Variants in MIS18A observed in about 807,000 individuals in gnomAD.
MIS18A encodes protein Mis18-alpha.
A neutral mutation model predicts 25.0 loss-of-function variants in MIS18A; 14 were observed. That is an observed-to-expected ratio of 0.56 (90% confidence interval 0.37 to 0.88). The LOEUF (loss-of-function observed/expected upper bound fraction) is 0.88. MIS18A is among the 40% of genes least tolerant of loss of function. The probability of loss-of-function intolerance (pLI) is 0.00; values close to 1 mark genes in which losing one functional copy is unlikely to be tolerated. For missense variants in MIS18A, 292 were observed against 290.8 expected (o/e 1.00, Z -0.03); for synonymous variants, 134 against 118.6 (o/e 1.13, Z -0.84).
At chr21:32,202,011 A>G in the MIS18A span, among the ~76,000 whole-genome samples, 3 of 152,198 alleles carry the variant, frequency 2.0e-5, no homozygotes, top group African/African-American at 7.2e-5. Flanking sequence ...CCCTGAGGCC[A>G]GGTGCAATGG....
chr21:32,227,358 A>G, the MIS18A span, among the ~76,000 whole-genome samples: 1 of 152,086 alleles, frequency 6.6e-6, no homozygotes, highest in Non-Finnish European at 1.5e-5. Context: ...AACTAAAATT[A>G]GAAATGATAT....
At chr21:32,250,989 C>T in the MIS18A span, among the ~76,000 whole-genome samples, 2 of 152,258 alleles carry the variant, frequency 1.3e-5, no homozygotes, top group African/African-American at 4.8e-5. Flanking sequence ...AGAGTGAGTT[C>T]TCATGAGATC....
chr21:32,158,624 A>G, the MIS18A span, among the ~76,000 whole-genome samples: 2 of 151,932 alleles, frequency 1.3e-5, no homozygotes, highest in Admixed American at 1.3e-4. Flanking sequence ...ACAGGCATGC[A>G]CCACCATGCC....
At chr21:32,267,395 A>C (rs1213155947), downstream of MIS18A, among the ~76,000 whole-genome samples, 1 of 152,166 alleles carries the variant, frequency 6.6e-6, no homozygotes, top group African/African-American at 2.4e-5. Context: ...AGGTAATCAA[A>C]GGCCCACTCT....
chr21:32,222,951 A>AAGAAAG, the MIS18A span, among the ~76,000 whole-genome samples: 10 of 144,724 alleles, frequency 6.9e-5, no homozygotes, highest in African/African-American at 2.6e-4. Flanking sequence ...AAAAAAAAAA[A>AAGAAAG]AAAGAAAGAA....
the MIS18A span, among the ~76,000 whole-genome samples, chr21:32,211,412 C>T: frequency 5.9e-5 from 9 of 152,334 alleles, no homozygotes; most frequent in African/African-American, 2.2e-4. Flanking sequence ...ATGCCTCTCT[C>T]TTCTTTCTCT....
intron 2 of MIS18A, among the ~76,000 whole-genome samples, chr21:32,272,565 CA>C (rs2031733081): frequency 6.6e-6 from 1 of 152,196 alleles, no homozygotes. Context: ...CTCATAGTCG[CA>C]AATCTTTTAA....
the MIS18A span, among the ~76,000 whole-genome samples, chr21:32,238,015 G>A: frequency 6.6e-6 from 1 of 152,092 alleles, no homozygotes; most frequent in Admixed American, 6.5e-5. Flanking sequence ...ATGGTTACAA[G>A]GAAGCTGCCA....
the MIS18A span, among the ~76,000 whole-genome samples, chr21:32,222,356 C>A: frequency 6.6e-6 from 1 of 152,088 alleles, no homozygotes; most frequent in South Asian, 2.1e-4. Flanking sequence ...GACTTTAGCA[C>A]CCCACTAACA....
At chr21:32,234,767 C>T in the MIS18A span, among the ~76,000 whole-genome samples, 1 of 152,152 alleles carries the variant, frequency 6.6e-6, no homozygotes, top group African/African-American at 2.4e-5. Flanking sequence ...TGAGGCCTCA[C>T]TAGAAGCCCA....
intron 2 of MIS18A, among the ~76,000 whole-genome samples, chr21:32,272,448 C>A (rs1200473568): frequency 6.6e-6 from 1 of 152,216 alleles, no homozygotes; most frequent in Non-Finnish European, 1.5e-5. Context: ...TTAGGTGATA[C>A]AAACAGTATT....
chr21:32,217,426 T>G, the MIS18A span, among the ~76,000 whole-genome samples: 2 of 152,130 alleles, frequency 1.3e-5, no homozygotes, highest in Admixed American at 6.5e-5. Flanking sequence ...TTGATTGAGA[T>G]TATTCAGTCT....
the MIS18A span, among the ~76,000 whole-genome samples, chr21:32,176,964 G>A: frequency 3.9e-5 from 6 of 152,058 alleles, no homozygotes; most frequent in Non-Finnish European, 5.9e-5. Context: ...TACATTCCAT[G>A]GGTTGAGCTG....
chr21:32,169,671 C>A, the MIS18A span, among the ~76,000 whole-genome samples: 1 of 151,836 alleles, frequency 6.6e-6, no homozygotes, highest in Admixed American at 6.6e-5. Flanking sequence ...GAAGATATAC[C>A]CCGACACACA....
chr21:32,173,989 G>A, the MIS18A span, among the ~76,000 whole-genome samples: 6 of 20,874 alleles, frequency 2.9e-4, no homozygotes, highest in Non-Finnish European at 4.2e-4. Context: ...TTTTTGAGAC[G>A]GAGTCTCACT....
At chr21:32,173,558 G>A in the MIS18A span, among the ~76,000 whole-genome samples, 14 of 152,126 alleles carry the variant, frequency 9.2e-5, no homozygotes, top group Non-Finnish European at 2.1e-4. Flanking sequence ...GTCCATCAAT[G>A]GATGAATAAA....
At chr21:32,222,690 G>C in the MIS18A span, among the ~76,000 whole-genome samples, 7 of 152,222 alleles carry the variant, frequency 4.6e-5, no homozygotes, top group South Asian at 1.2e-3. Context: ...CCAACACTTT[G>C]GGAGGCCAAG....
At chr21:32,256,686 T>C in the MIS18A span, among the ~76,000 whole-genome samples, 1 of 152,332 alleles carries the variant, frequency 6.6e-6, no homozygotes, top group East Asian at 1.9e-4. Flanking sequence ...GGCCTCTGTG[T>C]CTTGGCTCAT....
chr21:32,264,758 C>T (rs186149393), downstream of MIS18A, among the ~76,000 whole-genome samples: 4 of 152,266 alleles, frequency 2.6e-5, no homozygotes, highest in Admixed American at 2.6e-4. Context: ...GATTCTGCAA[C>T]GGGTCCCTCT....
Sources: allele counts gnomAD v4.1 joint callset (sites outside exome capture counted in the v4.1 genomes callset), GRCh38; gene constraint gnomAD v4.1.1; transcripts MANE v1.5; gene names NCBI Gene and HGNC (gene_info 2026-07-23, HGNC 2026-07-21).